The following MORN1 variants were observed in gnomAD, a reference collection of about 807,000 sequenced individuals.
The protein encoded by MORN1 is MORN repeat containing 1, also known as MORN repeat-containing protein 1.
Under a neutral mutation model 61.9 loss-of-function variants are expected in MORN1, and 67 were observed. That is an observed-to-expected ratio of 1.08 (90% CI 0.89 to 1.33). The LOEUF (loss-of-function observed/expected upper bound fraction) is 1.33. Ranked by LOEUF, MORN1 falls within the 40% of genes most tolerant of loss-of-function variation. MORN1 has a pLI of 0.00. For missense variants in MORN1, 752 were observed against 691.2 expected, an observed-to-expected ratio of 1.09 and a Z score of -0.99; for synonymous variants, 301 against 292.0, an observed-to-expected ratio of 1.03 and a Z score of -0.31.
chr1:2,384,741 CCG>C (rs1453228728), intron 6 of MORN1, among the ~76,000 whole-genome samples: 1 of 152,230 alleles, frequency 6.6e-6, no homozygotes, highest in East Asian at 1.9e-4. Flanking sequence ...CCCTGCCTCT[CCG>C]CGTACCTCCT....
At chr1:2,388,043 T>C (rs1196420889) in intron 3 of MORN1, 196 bp downstream of exon 3, 4 of 533,414 alleles carry the variant, frequency 7.5e-6, no homozygotes, top group Non-Finnish European at 1.0e-5. Flanking sequence ...GAAAAGTGTC[T>C]CCGGAAGCCT....
chr1:2,350,308 G>A (rs1641616127), intron 10 of MORN1: 1 of 152,136 alleles, frequency 6.6e-6, no homozygotes, highest in African/African-American at 2.4e-5. Context: ...TTATTTGAAA[G>A]TTAAAAACAA....
rs553897747 is a variant in MORN1, at chr1:2,343,737, C to T, written c.1037-6887G>A. Among the ~76,000 whole-genome samples the T allele has an allele frequency of 1.6e-3, 249 of 152,314 alleles. 1 individual carries two copies. Among genetic ancestry groups the T allele is most frequent in the African/African-American group, 5.6e-3 (231 of 41,578 alleles). ...GCAGCTTCACAGGGTGGCAGGAGGA[C>T]GCACAGCCGCAGAGGCCAGCTTTCC... On this transcript the variant is annotated intron_variant, in intron 10 of 13. Coordinates refer to ENST00000378531, the MANE Select transcript of MORN1 (RefSeq NM_024848.3).
chr1:2,351,587 C>T (rs554602852), intron 10 of MORN1: 9 of 250,962 alleles, frequency 3.6e-5, no homozygotes, highest in East Asian at 1.3e-4. Flanking sequence ...GTGGCCGGGC[C>T]GTGTAACCAA....
intron 13 of MORN1, chr1:2,323,345 C>T (rs554220548): frequency 8.1e-6 from 8 of 985,432 alleles, no homozygotes; most frequent in East Asian, 1.1e-4. Flanking sequence ...CAGTGAGCAG[C>T]GGGTCCAGAC....
chr1:2,325,296 C>CTT (rs749456750), intron 12 of MORN1, among the ~76,000 whole-genome samples: 3 of 145,954 alleles, frequency 2.1e-5, no homozygotes, highest in Non-Finnish European at 4.5e-5. Flanking sequence ...TCCTCTCTCT[C>CTT]TCTCTCTCTT....
chr1:2,334,205 G>A lies in MORN1; in HGVS notation c.1250+2264C>T, dbSNP rs907043048. On this transcript the variant is annotated intron_variant, in intron 12 of 13. Transcript: ENST00000378531. The surrounding 1 kb of genome is among the most constrained non-coding windows in gnomAD (Gnocchi z 5.4). Reference sequence around the variant, plus strand: ...GAAGAGGTCGTGAGGTCGACGCCCCGGTCAGCCACAGTTGAGGGCCTCTGG... The same window carrying A: ...GAAGAGGTCGTGAGGTCGACGCCCCAGTCAGCCACAGTTGAGGGCCTCTGG... Among the ~76,000 whole-genome samples the A allele has an allele frequency of 6.6e-5, 10 of 152,142 alleles. No homozygotes were observed. The highest frequency in any genetic ancestry group is 9.6e-5 in the African/African-American group (4 of 41,492).
intron 13 of MORN1, chr1:2,322,948 C>G: frequency 1.0e-6 from 1 of 985,456 alleles, no homozygotes; most frequent in Non-Finnish European, 1.2e-6. Flanking sequence ...GGCCAGCTCT[C>G]ACTTAGGGCC....
chr1:2,391,443 G>A lies in MORN1; in HGVS notation c.76+15C>T, dbSNP rs1379309524. 8.0e-7 allele frequency: 1 copy of A among 1,256,526 alleles called. No homozygotes were observed. Among genetic ancestry groups the A allele is most frequent in the Non-Finnish European group, 1.0e-6 (1 of 992,984 alleles). The allele number at this position is 1,256,526 out of a possible 1,614,324, so 77.8% of individuals were successfully genotyped here. A position where few individuals can be genotyped will look rare whatever the true frequency, so the allele number is the denominator to read the frequency against. On this transcript the variant is annotated intron_variant, in intron 1 of 13. Transcript: ENST00000378531. The stretch of plus-strand genomic sequence containing the variant: ...AGGGCAGCCAGCGACCTGTCCCGTG[G>A]CCCGCAGTCGTTACCGTTCCGGGGC...
chr1:2,341,974 C>G (rs1375492396), intron 10 of MORN1, among the ~76,000 whole-genome samples: 1 of 152,234 alleles, frequency 6.6e-6, no homozygotes, highest in Admixed American at 6.5e-5. Context: ...GAGTGAGGGT[C>G]CCCGGCAGTG....
intron 12 of MORN1, among the ~76,000 whole-genome samples, chr1:2,325,125 T>TCTTTCCTTCCCTC (rs1557865179): frequency 9.7e-5 from 3 of 30,796 alleles, no homozygotes; most frequent in East Asian, 1.5e-3. Context: ...TTCCTTCCCT[T>TCTTTCCTTCCCTC]CCTTCCTTCC....
rs376656134 is a variant in MORN1, at chr1:2,374,500, C to A, written c.595G>T (p.Val199Phe). ...TTGATCCACAACCCATAATAGGTGA[C>A]CCCTGAGCAGTGGGCCATGCTGCCC... is the stretch of plus-strand genomic sequence containing the variant. ...GLGSMAHCSG[V>F]TYYGLWINGH... The change falls in exon 7 of 14, where the codon GTC (valine) becomes TTC (phenylalanine). Residue 199 changes from valine (V) to phenylalanine (F), a missense_variant. Transcript: ENST00000378531. 7 of 1,603,830 alleles carry A rather than the reference C, an allele frequency of 4.4e-6. No individual in the cohort carries two copies. The highest frequency in any genetic ancestry group is 6.0e-6 in the Non-Finnish European group (7 of 1,175,898).
Position 2,372,408 on chromosome 1 carries a change from C to T in MORN1, c.745+73G>A. On this transcript the variant is annotated intron_variant, in intron 8 of 13. Transcript: ENST00000378531. This position sits in a 1 kb window ranked among gnomAD's most constrained non-coding sequence, Gnocchi z 5.4. ...GCCACATGCAACATCTCGTCCGCAT[C>T]TTCACTGCTTAAGAACCTGCTGCCT... 1 of 1,210,324 alleles carries T rather than the reference C, an allele frequency of 8.3e-7. No individual in the cohort carries two copies. Among genetic ancestry groups the T allele is most frequent in the Non-Finnish European group, 1.2e-6 (1 of 849,672 alleles). 75.0% of individuals were successfully genotyped at this position (1,210,324 alleles called of 1,614,324 possible).
At position 2,334,272 on chromosome 1, in the gene MORN1, G is replaced by A. The variant is rs542003399; in HGVS notation, c.1250+2197C>T. Among the ~76,000 whole-genome samples the A allele has an allele frequency of 2.6e-5, 4 of 152,202 alleles. No individual in the cohort carries two copies. Among genetic ancestry groups the A allele is most frequent in the South Asian group, 2.1e-4 (1 of 4,816 alleles). ...AGGTGTAAGAACGGTAAGGGATCAC[G>A]TGGCTACAAGGAACTGGTGGTGGGG... On this transcript the variant is annotated intron_variant, in intron 12 of 13. Transcript: ENST00000378531. This position sits in a 1 kb window ranked among gnomAD's most constrained non-coding sequence, Gnocchi z 5.4.
At chr1:2,382,977 AC>A (rs1477776723) in intron 6 of MORN1, among the ~76,000 whole-genome samples, 1 of 151,716 alleles carries the variant, frequency 6.6e-6, no homozygotes, top group Non-Finnish European at 1.5e-5. Flanking sequence ...CCGCCTGACC[AC>A]CCCTCCAGGG....
At chr1:2,355,632 G>A (rs566704096) in intron 10 of MORN1, among the ~76,000 whole-genome samples, 1 of 152,342 alleles carries the variant, frequency 6.6e-6, no homozygotes, top group African/African-American at 2.4e-5. Context: ...TCAGCCATGT[G>A]AGTCACGGAA....
intron 10 of MORN1, among the ~76,000 whole-genome samples, chr1:2,340,871 C>T (rs1484993070): frequency 1.3e-5 from 2 of 152,134 alleles, no homozygotes; most frequent in African/African-American, 2.4e-5. Flanking sequence ...ACAAAGGCCA[C>T]GACCTGTGGC....
At chr1:2,360,927 C>A (rs2100312726) in intron 8 of MORN1, among the ~76,000 whole-genome samples, 1 of 152,290 alleles carries the variant, frequency 6.6e-6, no homozygotes, top group Non-Finnish European at 1.5e-5. Context: ...CTCCAGCAGA[C>A]CTGTCTAACA....
intron 8 of MORN1, chr1:2,363,620 C>G (rs1641938230): frequency 6.6e-6 from 1 of 151,720 alleles, no homozygotes; most frequent in African/African-American, 2.4e-5. Context: ...TTTAAATTAA[C>G]CAGGCGTGGT....
Sources: gnomAD v4.1 joint callset for allele counts (sites outside exome capture counted in the v4.1 genomes callset) on GRCh38, gnomAD v4.1.1 for gene constraint, Gnocchi (gnomAD v3.1) non-coding constraint, MANE v1.5 for transcripts, NCBI Gene and HGNC (gene_info 2026-07-23, HGNC 2026-07-21) for gene names.